The following GRM1 variants were observed in gnomAD, a reference collection of about 807,000 sequenced individuals.
GRM1 encodes the protein glutamate metabotropic receptor 1, also known as metabotropic glutamate receptor 1.
A neutral mutation model predicts 90.9 loss-of-function variants in GRM1; 33 were observed. That is an observed-to-expected ratio of 0.36 (90% CI 0.28 to 0.49). GRM1 has a LOEUF of 0.49. Among genes scored for constraint, GRM1 ranks in the 20% least tolerant of loss-of-function variants. The pLI is 0.99. For missense variants in GRM1, 1,190 were observed against 1,534.3 expected, an observed-to-expected ratio of 0.78 and a Z score of 3.75; for synonymous variants, 700 against 613.2, an observed-to-expected ratio of 1.14 and a Z score of -2.09.
At chr6:146,122,957 G>C (rs2128877820) in intron 1 of GRM1, among the ~76,000 whole-genome samples, 1 of 146,264 alleles carries the variant, frequency 6.8e-6, no homozygotes, top group African/African-American at 2.5e-5. Flanking sequence ...CTATTCTCCT[G>C]CCTCAGGCTC....
chr6:146,110,048 T>C (rs1775496215), intron 1 of GRM1, among the ~76,000 whole-genome samples: 1 of 152,196 alleles, frequency 6.6e-6, no homozygotes, highest in African/African-American at 2.4e-5. Flanking sequence ...TTGCCTTGTC[T>C]CAGAGGAGAC....
chr6:146,404,524 C>T (rs1473364263), intron 7 of GRM1, among the ~76,000 whole-genome samples: 3 of 152,098 alleles, frequency 2.0e-5, no homozygotes, highest in Non-Finnish European at 4.4e-5. Context: ...GAAAGATCTT[C>T]GAGTAAAAGT....
In GRM1 at chr6:146,399,771, C is replaced by T. The variant is rs1777090721; in HGVS notation, c.2660+72C>T. On this transcript the variant is annotated intron_variant, in intron 7 of 7. Coordinates refer to ENST00000282753, the MANE Select transcript of GRM1 (RefSeq NM_001278064.2). The surrounding 1 kb of genome is among the most constrained non-coding windows in gnomAD (Gnocchi z 5.4). ...TCTCTTTCTCTCTCTCTCTCTCTCT[C>T]TCTTTCTCTGTCTCTCATATCTTCC... The T allele has an allele frequency of 1.3e-5, 13 of 1,029,496 alleles. No homozygotes were observed. Among genetic ancestry groups the T allele is most frequent in the South Asian group, 2.7e-5 (2 of 73,584 alleles). The allele number at this position is 1,029,496 out of a possible 1,614,324, so 63.8% of individuals were successfully genotyped here.
At chr6:146,414,396 T>C (rs1472360006) in intron 7 of GRM1, among the ~76,000 whole-genome samples, 11 of 149,422 alleles carry the variant, frequency 7.4e-5, no homozygotes, top group Admixed American at 7.4e-4. Context: ...ATTATTATTA[T>C]TATTATTATT....
At chr6:146,095,904 A>G (rs1224952825) in intron 1 of GRM1, among the ~76,000 whole-genome samples, 2 of 152,146 alleles carry the variant, frequency 1.3e-5, no homozygotes, top group Non-Finnish European at 2.9e-5. Context: ...ATCTCCAGTG[A>G]TGGTTAACTT....
intron 1 of GRM1, among the ~76,000 whole-genome samples, chr6:146,045,212 A>T (rs1298985666): frequency 6.6e-6 from 1 of 152,042 alleles, no homozygotes; most frequent in Non-Finnish European, 1.5e-5. Flanking sequence ...AAATTTAAAA[A>T]ATTATAGAAA....
chr6:146,296,524 C>T (rs1404163243), intron 2 of GRM1, among the ~76,000 whole-genome samples: 1 of 152,148 alleles, frequency 6.6e-6, no homozygotes. Flanking sequence ...CTTATTCTCC[C>T]TGTTGAACTG....
chr6:146,121,940 T>C (rs1019549747), intron 1 of GRM1, among the ~76,000 whole-genome samples: 4 of 152,226 alleles, frequency 2.6e-5, no homozygotes, highest in Admixed American at 6.5e-5. Context: ...TGTAGATGTC[T>C]ATTAGGTCTA....
At chr6:146,367,992 C>T (rs941320814) in intron 5 of GRM1, among the ~76,000 whole-genome samples, 10 of 151,988 alleles carry the variant, frequency 6.6e-5, no homozygotes, top group South Asian at 4.1e-4. Flanking sequence ...TTCTTCCAAG[C>T]GTGAACATGG....
chr6:146,334,742 C>CT (rs371711258), intron 3 of GRM1, among the ~76,000 whole-genome samples: 7 of 152,236 alleles, frequency 4.6e-5, no homozygotes, highest in African/African-American at 1.7e-4. Flanking sequence ...AACAGAGTGG[C>CT]TAGGTGGGGA....
chr6:146,093,543 T>G (rs921569518), intron 1 of GRM1, among the ~76,000 whole-genome samples: 5 of 152,136 alleles, frequency 3.3e-5, no homozygotes, highest in African/African-American at 1.2e-4. Flanking sequence ...TGGCCCTCAC[T>G]GAAGTTTCCT....
chr6:146,219,269 AAT>A (rs1779975705), intron 2 of GRM1, among the ~76,000 whole-genome samples: 3 of 152,160 alleles, frequency 2.0e-5, no homozygotes, highest in African/African-American at 7.2e-5. Context: ...GGATAAAGAG[AAT>A]ATGTTATCTT....
chr6:146,313,078 A>G (rs913417177), intron 3 of GRM1, among the ~76,000 whole-genome samples: 17 of 152,348 alleles, frequency 1.1e-4, no homozygotes, highest in African/African-American at 4.1e-4. Flanking sequence ...AAAAGCTCAA[A>G]TAATTTTTAG....
intron 1 of GRM1, among the ~76,000 whole-genome samples, chr6:146,047,211 C>A (rs1183737862): frequency 3.3e-5 from 5 of 151,840 alleles, no homozygotes; most frequent in African/African-American, 9.7e-5. Context: ...ATAGAGTAGA[C>A]CCTCTTTTGC....
In GRM1 at chr6:146,436,204, C is replaced by T. The variant is rs527728825; in HGVS notation, c.*1408C>T. 9.2e-5 allele frequency: 14 copies of T among 152,498 alleles called. No homozygotes were observed. The highest frequency in any genetic ancestry group is 3.9e-4 in the East Asian group (2 of 5,174). 9.4% of individuals were successfully genotyped at this position (152,498 alleles called of 1,614,324 possible). A position where few individuals can be genotyped will look rare whatever the true frequency, so the allele number is the denominator to read the frequency against. ...ATCAATATCTACAGAAGCTCTTTGA[C>T]GGTTTGAATACTATGGCTCAAGGTT... On this transcript the variant is annotated 3_prime_UTR_variant, in exon 8 of 8. Coordinates refer to ENST00000282753, the MANE Select transcript of GRM1 (RefSeq NM_001278064.2).
At chr6:146,176,806 ACT>A (rs1279009683) in intron 2 of GRM1, among the ~76,000 whole-genome samples, 40 of 152,072 alleles carry the variant, frequency 2.6e-4, no homozygotes, top group Admixed American at 7.2e-4. Context: ...TCAGATAATT[ACT>A]CATAGAATAA....
intron 3 of GRM1, among the ~76,000 whole-genome samples, chr6:146,351,873 G>A (rs1321294561): frequency 4.6e-5 from 7 of 152,092 alleles, no homozygotes; most frequent in Non-Finnish European, 1.0e-4. Flanking sequence ...ATCAAAAAAT[G>A]TTTTTCCAGT....
chr6:146,133,381 C>T (rs1776481045), intron 1 of GRM1, among the ~76,000 whole-genome samples: 1 of 152,184 alleles, frequency 6.6e-6, no homozygotes, highest in Non-Finnish European at 1.5e-5. Context: ...AACACATTCT[C>T]ATTTTTTGGC....
intron 3 of GRM1, among the ~76,000 whole-genome samples, chr6:146,329,736 T>C (rs972359639): frequency 2.0e-5 from 3 of 152,182 alleles, no homozygotes; most frequent in Admixed American, 6.5e-5. Context: ...CATCATAGCT[T>C]CATAGCTTAG....
Sources: gnomAD v4.1 joint callset for allele counts (sites outside exome capture counted in the v4.1 genomes callset) on GRCh38, gnomAD v4.1.1 for gene constraint, Gnocchi (gnomAD v3.1) non-coding constraint, MANE v1.5 for transcripts, NCBI Gene and HGNC (gene_info 2026-07-23, HGNC 2026-07-21) for gene names.